The following L2HGDH variants were observed in gnomAD, a reference collection of about 807,000 sequenced individuals.
L2HGDH encodes L-2-hydroxyglutarate dehydrogenase, mitochondrial.
In L2HGDH, 34 loss-of-function variants were observed where a neutral mutation model predicts 51.5. The ratio of observed to expected loss-of-function variants is 0.66; its 90% CI spans 0.50 to 0.88. The LOEUF is 0.88. Among genes scored for constraint, L2HGDH ranks in the 40% least tolerant of loss-of-function variants. The pLI is 0.00. For missense variants in L2HGDH, 558 were observed against 571.9 expected, an observed-to-expected ratio of 0.98 and a Z score of 0.25; for synonymous variants, 198 against 197.9, an observed-to-expected ratio of 1.00 and a Z score of -0.01.
At chr14:50,270,464 C>T (rs1174856904) in intron 6 of L2HGDH, among the ~76,000 whole-genome samples, 1 of 151,448 alleles carries the variant, frequency 6.6e-6, no homozygotes. Flanking sequence ...CCTGTCTCAA[C>T]ATTTTCTTTC....
At chr14:50,266,855 C>T (rs1889364521) in intron 8 of L2HGDH, among the ~76,000 whole-genome samples, 1 of 151,940 alleles carries the variant, frequency 6.6e-6, no homozygotes, top group African/African-American at 2.4e-5. Context: ...GTAAAAGGAC[C>T]AAACAAAATA....
intron 1 of L2HGDH, among the ~76,000 whole-genome samples, chr14:50,303,294 T>C (rs761844655): frequency 2.5e-4 from 38 of 150,780 alleles, no homozygotes; most frequent in Admixed American, 6.6e-4. Context: ...TGGTGGCGCG[T>C]GCCTGTAGTC....
chr14:50,243,694 T>C lies in L2HGDH; in HGVS notation c.*3364A>G, dbSNP rs1405512279. The C allele has an allele frequency of 4.5e-6, 1 of 222,768 alleles. No homozygotes were observed. Among genetic ancestry groups the C allele is most frequent in the African/African-American group, 2.3e-5 (1 of 42,680 alleles). 13.8% of individuals were successfully genotyped at this position (222,768 alleles called of 1,614,324 possible). On this transcript the variant is annotated 3_prime_UTR_variant, in exon 10 of 10. Transcript: ENST00000267436. ...ATATATATATATATATATTGTTTAT[T>C]ATTATACTTTAAGTTTTAGGGTACA...
intron 3 of L2HGDH, chr14:50,299,734 G>C (rs529868016): frequency 3.2e-5 from 5 of 154,360 alleles, no homozygotes; most frequent in African/African-American, 1.2e-4. Context: ...ATACAATCAG[G>C]CCAGGCGTGG....
chr14:50,299,640 T>A (rs2030286567), intron 3 of L2HGDH, among the ~76,000 whole-genome samples: 1 of 152,182 alleles, frequency 6.6e-6, no homozygotes, highest in South Asian at 2.1e-4. Flanking sequence ...AAGTGGGATT[T>A]AACCCAGGGA....
At chr14:50,300,514 C>T (rs574905061) in intron 3 of L2HGDH, among the ~76,000 whole-genome samples, 9 of 152,144 alleles carry the variant, frequency 5.9e-5, no homozygotes, top group Admixed American at 4.6e-4. Context: ...AGGCTGGTCT[C>T]GAACTCCTGA....
chr14:50,256,779 T>G (rs1043454816), intron 9 of L2HGDH, among the ~76,000 whole-genome samples: 4 of 152,168 alleles, frequency 2.6e-5, no homozygotes, highest in Admixed American at 6.6e-5. Context: ...TTTAGTTTTA[T>G]TTACTCAGAT....
chr14:50,307,212 T>C (rs1362743230), intron 1 of L2HGDH, among the ~76,000 whole-genome samples: 3 of 152,168 alleles, frequency 2.0e-5, no homozygotes, highest in Non-Finnish European at 4.4e-5. Context: ...AGCCAAGATA[T>C]TGTCTTTGCA....
At chr14:50,251,492 G>C (rs1423639925) in intron 9 of L2HGDH, among the ~76,000 whole-genome samples, 2 of 152,056 alleles carry the variant, frequency 1.3e-5, no homozygotes, top group African/African-American at 4.8e-5. Flanking sequence ...CCCAAACCTA[G>C]AGAAAGATAT....
chr14:50,263,375 A>G (rs1337147640), intron 9 of L2HGDH, among the ~76,000 whole-genome samples: 1 of 152,220 alleles, frequency 6.6e-6, no homozygotes, highest in African/African-American at 2.4e-5. Flanking sequence ...AGATAAGAGG[A>G]AAAACGTTAG....
chr14:50,286,975 T>C (rs369249011), intron 4 of L2HGDH, among the ~76,000 whole-genome samples: 1 of 152,214 alleles, frequency 6.6e-6, no homozygotes, highest in African/African-American at 2.4e-5. Flanking sequence ...CCTAACATAG[T>C]GTGTGGCACA....
intron 7 of L2HGDH, among the ~76,000 whole-genome samples, chr14:50,268,688 T>C (rs1889495417): frequency 6.6e-6 from 1 of 152,220 alleles, no homozygotes; most frequent in Non-Finnish European, 1.5e-5. Context: ...TTCGACCTAA[T>C]ATATTTTAAG....
At chr14:50,306,045 CTGACT>C (rs1355544649) in intron 1 of L2HGDH, among the ~76,000 whole-genome samples, 1 of 135,850 alleles carries the variant, frequency 7.4e-6, no homozygotes, top group Non-Finnish European at 1.6e-5. Context: ...ACTGTTTTGA[CTGACT>C]TTTTTTTTTT....
At chr14:50,282,370 T>G (rs989024472) in intron 5 of L2HGDH, 1 of 445,880 alleles carries the variant, frequency 2.2e-6, no homozygotes, top group Middle Eastern at 3.3e-4. Context: ...AGCTTCCACC[T>G]TCCTGTTGTG....
chr14:50,247,478 C>T (rs1888075250), intron 9 of L2HGDH, among the ~76,000 whole-genome samples: 2 of 152,148 alleles, frequency 1.3e-5, no homozygotes, highest in Admixed American at 1.3e-4. Context: ...GTAACAAACG[C>T]TTATCAAAGA....
chr14:50,255,537 CAAAAA>C (rs371804551), intron 9 of L2HGDH, among the ~76,000 whole-genome samples: 48 of 114,794 alleles, frequency 4.2e-4, no homozygotes, highest in Admixed American at 7.7e-4. Context: ...ACTCCATCTC[CAAAAA>C]AAAAAAAAAA....
At chr14:50,271,958 T>A (rs1356794855) in intron 6 of L2HGDH, among the ~76,000 whole-genome samples, 1 of 152,076 alleles carries the variant, frequency 6.6e-6, no homozygotes, top group East Asian at 1.9e-4. Flanking sequence ...CTGGACAACA[T>A]GGTGAAACCC....
intron 1 of L2HGDH, among the ~76,000 whole-genome samples, chr14:50,310,458 G>C (rs545127804): frequency 6.6e-6 from 1 of 152,216 alleles, no homozygotes; most frequent in South Asian, 2.1e-4. Flanking sequence ...TGTAATCTCA[G>C]CACTTTGGGT....
chr14:50,264,049 C>T (rs1197965085), intron 9 of L2HGDH, among the ~76,000 whole-genome samples: 1 of 150,840 alleles, frequency 6.6e-6, no homozygotes, highest in Admixed American at 6.6e-5. Context: ...GCTGGGATTG[C>T]AGGTGTGAGC....
Sources: gnomAD v4.1 joint callset for allele counts (sites outside exome capture counted in the v4.1 genomes callset) on GRCh38, gnomAD v4.1.1 for gene constraint, MANE v1.5 for transcripts, NCBI Gene and HGNC (gene_info 2026-07-23, HGNC 2026-07-21) for gene names.